Variants in DTNB observed in about 807,000 individuals in gnomAD.
DTNB encodes the protein DTN-B.
Under a neutral mutation model 90.7 loss-of-function variants are expected in DTNB, and 63 were observed. The ratio of observed to expected loss-of-function variants is 0.69; its 90% CI spans 0.57 to 0.86. DTNB has a LOEUF of 0.86. Ranked by LOEUF, DTNB falls within the 40% of genes least tolerant of loss-of-function variation. The pLI is 0.00. For synonymous variants in DTNB, 277 were observed against 286.7 expected, an observed-to-expected ratio of 0.97 and a Z score of 0.34; for missense variants, 744 against 807.1, an observed-to-expected ratio of 0.92 and a Z score of 0.95.
intron 5 of DTNB, among the ~76,000 whole-genome samples, chr2:25,599,265 A>G (rs1205041437): frequency 6.6e-6 from 1 of 151,706 alleles, no homozygotes. Context: ...GGAAATGATG[A>G]CAAATCCTGA....
chr2:25,458,571 C>T (rs2060427160), intron 10 of DTNB, among the ~76,000 whole-genome samples: 1 of 152,110 alleles, frequency 6.6e-6, no homozygotes, highest in Admixed American at 6.6e-5. Context: ...TGGGCTGAAG[C>T]AATCCTCCTG....
At chr2:25,604,320 C>T (rs2066586982) in intron 5 of DTNB, among the ~76,000 whole-genome samples, 1 of 152,146 alleles carries the variant, frequency 6.6e-6, no homozygotes, top group South Asian at 2.1e-4. Flanking sequence ...AAATGGCATC[C>T]TTAAGAGATG....
rs756914598 is a variant in DTNB, at chr2:25,427,586, C to A, written c.1503G>T (p.Glu501Asp). Residue 501 changes from glutamate (E) to aspartate (D), a missense_variant, in exon 15 of 21, where the codon GAG (glutamate) becomes GAT (aspartate). Physicochemically the swap from Glu to Asp is conservative, Grantham distance 45 (BLOSUM62 2). Coordinates refer to ENST00000406818, the MANE Select transcript of DTNB (RefSeq NM_021907.5). Reference protein sequence around the residue: ...ELEQRMSALQESRRELMVQLE... With the variant: ...ELEQRMSALQDSRRELMVQLE... ...GCTGGACCATCAGCTCCCGCCTGCT[C>A]TCCTGCAGGGCCGACATCCTCTGCT... The A allele has an allele frequency of 1.3e-5, 21 of 1,613,688 alleles. No individual in the cohort carries two copies. The highest frequency in any genetic ancestry group is 1.8e-5 in the Non-Finnish European group (21 of 1,179,866).
intron 5 of DTNB, chr2:25,598,724 T>C (rs1335168761): frequency 1.3e-5 from 2 of 151,672 alleles, no homozygotes; most frequent in Non-Finnish European, 2.9e-5. Flanking sequence ...TCAAAACAGG[T>C]TGAGGATAGG....
At position 25,662,375 on chromosome 2, in the gene DTNB, C is replaced by T. The variant is rs150109290; in HGVS notation, c.-1-9714G>A. ...CAGAATAAAGCAGGGCTACATTTAT[C>T]GAGATGGATCAATTTCACAATATTA... On this transcript the variant is annotated intron_variant, in intron 1 of 20. Coordinates refer to ENST00000406818, the MANE Select transcript of DTNB (RefSeq NM_021907.5). Among the ~76,000 whole-genome samples, 107 of 152,086 alleles carry T rather than the reference C, an allele frequency of 7.0e-4. 1 individual carries two copies. The highest frequency in any genetic ancestry group is 2.6e-3 in the African/African-American group (106 of 41,470).
At chr2:25,532,766 C>T (rs2078497511) in intron 8 of DTNB, among the ~76,000 whole-genome samples, 1 of 152,166 alleles carries the variant, frequency 6.6e-6, no homozygotes, top group Non-Finnish European at 1.5e-5. Flanking sequence ...GCTGCCTCTG[C>T]AGTTTATTAT....
chr2:25,447,539 C>G (rs1016353399), intron 12 of DTNB, among the ~76,000 whole-genome samples: 2 of 132,082 alleles, frequency 1.5e-5, no homozygotes, highest in Non-Finnish European at 1.6e-5. Context: ...GAGTCTTGCT[C>G]TGTTGCCCAG....
At chr2:25,523,504 G>A (rs2076519577) in intron 9 of DTNB, among the ~76,000 whole-genome samples, 1 of 151,982 alleles carries the variant, frequency 6.6e-6, no homozygotes, top group Admixed American at 6.6e-5. Context: ...AGCCAGGCAT[G>A]GTGGCACGCA....
Position 25,667,424 on chromosome 2 carries a change from G to A in DTNB, c.-2+5962C>T, listed in dbSNP as rs536201299. On this transcript the variant is annotated intron_variant, in intron 1 of 20. Coordinates refer to ENST00000406818, the MANE Select transcript of DTNB (RefSeq NM_021907.5). ...GAATCGCTTGAACCTGGGAGGTAGAGGCAGAGGCTGCAGTGAGCTGAGATC... is the reference window on the plus strand; with the variant it reads ...GAATCGCTTGAACCTGGGAGGTAGAAGCAGAGGCTGCAGTGAGCTGAGATC... Among the ~76,000 whole-genome samples, 6 of 152,234 alleles carry A rather than the reference G, an allele frequency of 3.9e-5. No homozygotes were observed. In the East Asian group the frequency reaches 7.7e-4, roughly 20 times the overall value.
intron 4 of DTNB, among the ~76,000 whole-genome samples, chr2:25,609,490 C>T (rs758475068): frequency 4.6e-5 from 7 of 151,038 alleles, no homozygotes; most frequent in Non-Finnish European, 1.0e-4. Context: ...CCCAGCTACT[C>T]AGAAGGCTGA....
intron 9 of DTNB, among the ~76,000 whole-genome samples, chr2:25,498,183 C>T (rs1008390220): frequency 2.6e-5 from 4 of 152,184 alleles, no homozygotes; most frequent in Non-Finnish European, 4.4e-5. Context: ...AAAAACTACA[C>T]AAGTATTTAC....
chr2:25,580,201 G>T (rs1320274356), intron 7 of DTNB, among the ~76,000 whole-genome samples: 1 of 151,822 alleles, frequency 6.6e-6, no homozygotes, highest in Non-Finnish European at 1.5e-5. Flanking sequence ...AGGCTGGCTG[G>T]AACTCCTGAT....
chr2:25,437,618 C>T (rs184964503), intron 12 of DTNB, among the ~76,000 whole-genome samples: 1 of 152,152 alleles, frequency 6.6e-6, no homozygotes, highest in Non-Finnish European at 1.5e-5. Context: ...AAGAAAAAAG[C>T]CAAGTCTCTT....
intron 4 of DTNB, 122 bp from the exon 5 acceptor site, chr2:25,607,443 A>C: frequency 1.1e-6 from 1 of 907,654 alleles, no homozygotes; most frequent in Non-Finnish European, 1.6e-6. Flanking sequence ...CAATTTTACC[A>C]CATTTAGAAA....
At chr2:25,508,560 G>C (rs982370404) in intron 9 of DTNB, among the ~76,000 whole-genome samples, 1 of 144,958 alleles carries the variant, frequency 6.9e-6, no homozygotes, top group Non-Finnish European at 1.5e-5. Flanking sequence ...TTGAGATGGA[G>C]TTTCGCTCTT....
intron 16 of DTNB, among the ~76,000 whole-genome samples, chr2:25,402,236 G>C (rs1246533080): frequency 1.3e-5 from 2 of 152,166 alleles, no homozygotes; most frequent in African/African-American, 4.8e-5. Context: ...GTGAGAGTTG[G>C]AAATAACCGC....
chr2:25,548,682 T>C (rs1434856866), intron 8 of DTNB, among the ~76,000 whole-genome samples: 1 of 152,094 alleles, frequency 6.6e-6, no homozygotes, highest in Non-Finnish European at 1.5e-5. Flanking sequence ...GGGGGTCAGG[T>C]GGGCTAGTGC....
intron 12 of DTNB, among the ~76,000 whole-genome samples, chr2:25,447,618 C>T (rs1193983803): frequency 2.6e-5 from 4 of 151,232 alleles, no homozygotes; most frequent in East Asian, 3.9e-4. Context: ...GATTCTCCTG[C>T]CTCAGTTTCC....
intron 16 of DTNB, among the ~76,000 whole-genome samples, chr2:25,405,689 T>C (rs1164799888): frequency 3.3e-5 from 5 of 152,096 alleles, no homozygotes; most frequent in Non-Finnish European, 1.5e-5. Context: ...ATATAGTACC[T>C]ACATAATATC....
Sources: allele counts gnomAD v4.1 joint callset (sites outside exome capture counted in the v4.1 genomes callset), GRCh38; gene constraint gnomAD v4.1.1; transcripts MANE v1.5; gene names NCBI Gene and HGNC (gene_info 2026-07-23, HGNC 2026-07-21).